The following DCTN4 variants were observed in gnomAD, a reference collection of about 807,000 sequenced individuals.
The protein encoded by DCTN4 is dynactin subunit 4.
In DCTN4, 23 loss-of-function variants were observed where a neutral mutation model predicts 62.7. That is an observed-to-expected ratio of 0.37 (90% CI 0.26 to 0.52). The LOEUF (loss-of-function observed/expected upper bound fraction) is 0.52, where lower values mean the gene tolerates loss of function less well. Among genes scored for constraint, DCTN4 ranks in the 20% least tolerant of loss-of-function variants. The pLI is 0.92. For missense variants in DCTN4, 514 were observed against 580.4 expected (o/e 0.89, Z 1.18); for synonymous variants, 199 against 202.1 (o/e 0.98, Z 0.13).
chr5:150,742,109 C>T lies in DCTN4; in HGVS notation c.429+5G>A. The T allele has an allele frequency of 6.2e-7, 1 of 1,613,870 alleles. No individual in the cohort carries two copies. The highest frequency in any genetic ancestry group is 8.5e-7 in the Non-Finnish European group (1 of 1,179,758). ...ATCCTCTCTCTCTTATGACCCTTTA[C>T]TTACCCGTTGTGTGTGAGGATTTTC... On this transcript the variant is annotated splice_donor_5th_base_variant and intron_variant, in intron 4 of 12. Coordinates refer to ENST00000447998, the MANE Select transcript of DCTN4 (RefSeq NM_016221.4).
At chr5:150,721,583 CAA>C (rs1759955545) in intron 9 of DCTN4, among the ~76,000 whole-genome samples, 1 of 152,204 alleles carries the variant, frequency 6.6e-6, no homozygotes, top group South Asian at 2.1e-4. Flanking sequence ...CTTTTCCTAT[CAA>C]ATCTTAGTTT....
chr5:150,715,509 G>T, intron 12 of DCTN4, 56 bp downstream of exon 12: 1 of 1,343,590 alleles, frequency 7.4e-7, no homozygotes, highest in Non-Finnish European at 1.1e-6. Context: ...CTGGATATAA[G>T]TGGGCATTCT....
In DCTN4 at chr5:150,756,499, C is replaced by T. The variant is rs1348552616; in HGVS notation, c.136-12G>A. Reference sequence around the variant, plus strand: ...TAATGGGAGTCCACCTAGGAGGAAACAAGAAAGAAAAAAAAAACCAGAGGA... The same window carrying T: ...TAATGGGAGTCCACCTAGGAGGAAATAAGAAAGAAAAAAAAAACCAGAGGA... On this transcript the variant is annotated splice_polypyrimidine_tract_variant and intron_variant, in intron 1 of 12. Transcript: ENST00000447998. 1 of 1,540,460 alleles carries T rather than the reference C, an allele frequency of 6.5e-7. No individual in the cohort carries two copies. Among genetic ancestry groups the T allele is most frequent in the Non-Finnish European group, 8.8e-7 (1 of 1,141,132 alleles).
intron 5 of DCTN4, 28 bp from the exon 6 acceptor site, chr5:150,731,517 G>C: frequency 6.3e-7 from 1 of 1,592,728 alleles, no homozygotes; most frequent in Non-Finnish European, 8.6e-7. Flanking sequence ...ATTCCTATTA[G>C]AAAGTCCACT....
intron 4 of DCTN4, among the ~76,000 whole-genome samples, chr5:150,740,262 G>A (rs1488200947): frequency 6.6e-6 from 1 of 151,922 alleles, no homozygotes; most frequent in African/African-American, 2.4e-5. Context: ...GTAGGCAGAG[G>A]ACATGAATAG....
intron 9 of DCTN4, 111 bp from the exon 10 acceptor site, chr5:150,719,881 C>A: frequency 1.5e-6 from 1 of 662,814 alleles, no homozygotes. Context: ...TAGAATGTAT[C>A]AGAAAAAAAA....
chr5:150,747,864 C>G (rs1404033207), intron 3 of DCTN4, among the ~76,000 whole-genome samples: 11 of 147,022 alleles, frequency 7.5e-5, no homozygotes, highest in African/African-American at 2.6e-4. Context: ...CATTACCATT[C>G]AGGACATAGG....
In DCTN4 at chr5:150,708,728, G is replaced by A. The variant is rs933441561; in HGVS notation, c.*2421C>T. On this transcript the variant is annotated 3_prime_UTR_variant, in exon 13 of 13. Transcript: ENST00000447998. ...GCCATGCTACTTAGTATCTACATGA[G>A]AGCAAACAAAAGACACGCTCAAGCT... The A allele has an allele frequency of 1.3e-5, 2 of 152,776 alleles. No homozygotes were observed. Among genetic ancestry groups the A allele is most frequent in the Admixed American group, 6.5e-5 (1 of 15,284 alleles). 9.5% of individuals were successfully genotyped at this position (152,776 alleles called of 1,614,324 possible). A position where few individuals can be genotyped will look rare whatever the true frequency, so the allele number is the denominator to read the frequency against.
chr5:150,741,164 C>CAAAAAAAA (rs754641920), intron 4 of DCTN4, among the ~76,000 whole-genome samples: 17 of 58,336 alleles, frequency 2.9e-4, no homozygotes, highest in African/African-American at 9.2e-4. Flanking sequence ...GATCCTGTCT[C>CAAAAAAAA]AAAAAAAAAA....
intron 9 of DCTN4, 112 bp downstream of exon 9, chr5:150,722,795 A>T (rs1759999828): frequency 1.5e-6 from 1 of 681,936 alleles, no homozygotes; most frequent in Non-Finnish European, 2.5e-6. Context: ...GATTATTTTG[A>T]TGTAATTTTT....
intron 3 of DCTN4, among the ~76,000 whole-genome samples, chr5:150,749,430 G>A (rs1291294693): frequency 6.6e-6 from 1 of 152,168 alleles, no homozygotes; most frequent in Non-Finnish European, 1.5e-5. Context: ...GCTAAAATGG[G>A]TAAGACTGAC....
At position 150,709,094 on chromosome 5, in the gene DCTN4, T is replaced by C. The variant is rs923008430; in HGVS notation, c.*2055A>G. Reference sequence around the variant, plus strand: ...TAAAAAAGGCAACAAATACAATTCCTAATTCACCAGCTGCAGGTATTGAAT... The same window carrying C: ...TAAAAAAGGCAACAAATACAATTCCCAATTCACCAGCTGCAGGTATTGAAT... On this transcript the variant is annotated 3_prime_UTR_variant, in exon 13 of 13. Transcript: ENST00000447998. 7 of 152,806 alleles carry C rather than the reference T, an allele frequency of 4.6e-5. No individual in the cohort carries two copies. The highest frequency in any genetic ancestry group is 7.3e-5 in the Non-Finnish European group (5 of 68,038). 9.5% of individuals were successfully genotyped at this position (152,806 alleles called of 1,614,324 possible).
rs1285876525 is a variant in DCTN4, at chr5:150,709,981, A to G, written c.*1168T>C. On this transcript the variant is annotated 3_prime_UTR_variant, in exon 13 of 13. Transcript: ENST00000447998. Reference sequence around the variant, plus strand: ...AACCCAACTCCAGGATACCAAGTGAAAACAGCAAGTCTGCTGTTAGGCCAG... The same window carrying G: ...AACCCAACTCCAGGATACCAAGTGAGAACAGCAAGTCTGCTGTTAGGCCAG... The G allele has an allele frequency of 1.3e-5, 2 of 152,366 alleles. No individual in the cohort carries two copies. The highest frequency in any genetic ancestry group is 6.5e-5 in the Admixed American group (1 of 15,276). The allele number at this position is 152,366 out of a possible 1,614,324, so 9.4% of individuals were successfully genotyped here.
At position 150,711,272 on chromosome 5, in the gene DCTN4, C is replaced by T. The variant is rs754874695; in HGVS notation, c.1260G>A (p.Lys420=). The stretch of plus-strand genomic sequence containing the variant: ...CCAGGTTTTTAAAATCATGCTTCAT[C>T]TTGAAGCACACGGTCACTTCACCCT... ...REEGEVTVCF[K]MKHDFKNLAA... The change falls in exon 13 of 13, where the codon AAG becomes AAA. Residue 420 remains lysine, a synonymous_variant. Coordinates refer to ENST00000447998, the MANE Select transcript of DCTN4 (RefSeq NM_016221.4). The T allele has an allele frequency of 3.1e-6, 5 of 1,613,228 alleles. No homozygotes were observed. Among genetic ancestry groups the T allele is most frequent in the Non-Finnish European group, 4.2e-6 (5 of 1,179,892 alleles).
chr5:150,751,834 C>T (rs75199267), intron 3 of DCTN4, among the ~76,000 whole-genome samples: 1,686 of 152,194 alleles, frequency 0.011, 30 homozygotes, highest in African/African-American at 0.037. Context: ...AACCAAAGAG[C>T]AAATTCAATA....
chr5:150,716,239 G>A (rs1259206534), intron 11 of DCTN4, among the ~76,000 whole-genome samples: 1 of 152,146 alleles, frequency 6.6e-6, no homozygotes, highest in Non-Finnish European at 1.5e-5. Context: ...GGGGAGAAAT[G>A]GGTACTTGCC....
At chr5:150,750,223 A>C (rs1211000691) in intron 3 of DCTN4, among the ~76,000 whole-genome samples, 1 of 152,174 alleles carries the variant, frequency 6.6e-6, no homozygotes, top group Non-Finnish European at 1.5e-5. Context: ...TATTATATAT[A>C]AATTATATAT....
intron 11 of DCTN4, among the ~76,000 whole-genome samples, chr5:150,716,863 G>C (rs773814761): frequency 1.3e-5 from 2 of 151,680 alleles, no homozygotes; most frequent in Non-Finnish European, 2.9e-5. Flanking sequence ...AGAGTGCAGT[G>C]AGCCGAGACT....
chr5:150,711,367 G>T lies in DCTN4; in HGVS notation c.1170-5C>A. The T allele has an allele frequency of 6.2e-7, 1 of 1,604,284 alleles. No individual in the cohort carries two copies. The highest frequency in any genetic ancestry group is 8.5e-7 in the Non-Finnish European group (1 of 1,177,016). ...GCCTTTCTGAAGGCTATAATGCTAT[G>T]GAAAGAAAAAAAAGCAAGTATTAGG... On this transcript the variant is annotated splice_region_variant and splice_polypyrimidine_tract_variant and intron_variant, in intron 12 of 12. Coordinates refer to ENST00000447998, the MANE Select transcript of DCTN4 (RefSeq NM_016221.4).
Sources: allele counts gnomAD v4.1 joint callset (sites outside exome capture counted in the v4.1 genomes callset), GRCh38; gene constraint gnomAD v4.1.1; transcripts MANE v1.5; gene names NCBI Gene and HGNC (gene_info 2026-07-23, HGNC 2026-07-21).